NCOA6: variants seen among roughly 807,000 people sequenced by gnomAD.
NCOA6 encodes the protein nuclear receptor coactivator 6, also known as NRC RAP250.
NCOA6 carries 49 observed loss-of-function variants against 171.4 expected under a neutral mutation model. That is an observed-to-expected ratio of 0.29 (90% confidence interval 0.23 to 0.36). The LOEUF (loss-of-function observed/expected upper bound fraction) is 0.36, where lower values mean the gene tolerates loss of function less well. NCOA6 is among the 10% of genes least tolerant of loss of function. The pLI is 1.00. For synonymous variants in NCOA6, 910 were observed against 927.5 expected (o/e 0.98, Z 0.34); for missense variants, 2,248 against 2,554.5 (o/e 0.88, Z 2.59).
chr20:34,725,540 C>T lies in NCOA6; in HGVS notation c.6148+1719G>A, dbSNP rs78534444. ...GGATGAGGCTGGGAGATGACAGGGC[C>T]GAGACCACACAGAAGCTTGTGGGGT... On this transcript the variant is annotated intron_variant, in intron 14 of 14. Transcript: ENST00000359003. 9.9e-3 allele frequency among the ~76,000 whole-genome samples: 1,508 copies of T among 151,714 alleles called. 23 individuals are homozygous for T. Among genetic ancestry groups the T allele is most frequent in the African/African-American group, 0.033 (1,383 of 41,290 alleles).
intron 1 of NCOA6, among the ~76,000 whole-genome samples, chr20:34,818,131 G>A (rs961186222): frequency 6.6e-6 from 1 of 152,144 alleles, no homozygotes; most frequent in Non-Finnish European, 1.5e-5. Flanking sequence ...TTGTTGTAAG[G>A]ATTAAATAAA....
chr20:34,815,054 A>T (rs549464224), intron 1 of NCOA6, among the ~76,000 whole-genome samples: 11 of 152,306 alleles, frequency 7.2e-5, no homozygotes, highest in African/African-American at 2.6e-4. Flanking sequence ...TAAATACAGT[A>T]CTATCCTGGG....
intron 12 of NCOA6, among the ~76,000 whole-genome samples, chr20:34,734,625 C>T (rs1438512896): frequency 6.6e-6 from 1 of 152,118 alleles, no homozygotes; most frequent in East Asian, 1.9e-4. Flanking sequence ...GGGTTAGAGG[C>T]ATGAACCATT....
In NCOA6 at chr20:34,782,185, A is replaced by G; in HGVS notation, c.171T>C (p.Asp57=). The G allele has an allele frequency of 6.2e-7, 1 of 1,612,336 alleles. No individual in the cohort carries two copies. The highest frequency in any genetic ancestry group is 8.5e-7 in the Non-Finnish European group (1 of 1,179,158). ...CTAATTTCCATTTGAAGTCTTTATC[A>G]TCTATATTTCCTTTGAAGGCCACAA... ...TIFVAFKGNI[D]DKDFKWKLDA... is the part of the protein sequence containing the mutation. Residue 57 remains aspartate, a synonymous_variant, in exon 3 of 15, where the codon GAT becomes GAC. Coordinates refer to ENST00000359003, the MANE Select transcript of NCOA6 (RefSeq NM_014071.5).
At position 34,819,998 on chromosome 20, in the gene NCOA6, A is replaced by G. The variant is rs192023935; in HGVS notation, c.-164+5474T>C. 111 of 152,148 alleles carry G rather than the reference A, an allele frequency of 7.3e-4. 1 individual carries two copies. Among genetic ancestry groups the G allele is most frequent in the African/African-American group, 2.5e-3 (105 of 41,526 alleles). 9.4% of individuals were successfully genotyped at this position (152,148 alleles called of 1,614,324 possible). ...CTGGGATCACTGGTTATACATAGGG[A>G]AAAAAAATGAAACTGGACCCGACCT... On this transcript the variant is annotated intron_variant, in intron 1 of 14. Transcript: ENST00000359003.
chr20:34,727,130 T>C lies in NCOA6; in HGVS notation c.6148+129A>G, dbSNP rs113588768. The stretch of plus-strand genomic sequence containing the variant: ...AATAAAGGAAGGACCAAACAGGTAG[T>C]AGAAGACAAAGACACTTGACAGACT... On this transcript the variant is annotated intron_variant, in intron 14 of 14. Transcript: ENST00000359003. The C allele has an allele frequency of 5.4e-4, 601 of 1,107,986 alleles. 8 individuals carry two copies. The African/African-American group carries it at 7.5e-3, about 14-fold the overall frequency. 68.6% of individuals were successfully genotyped at this position (1,107,986 alleles called of 1,614,324 possible).
intron 5 of NCOA6, among the ~76,000 whole-genome samples, chr20:34,763,212 C>A (rs1261778923): frequency 6.6e-6 from 1 of 152,128 alleles, no homozygotes; most frequent in Admixed American, 6.6e-5. Context: ...TCCTCAATTT[C>A]TTTATCTTCT....
rs2076200143 is a variant in NCOA6, at chr20:34,743,130, A to G, written c.3126T>C (p.Asp1042=). The G allele has an allele frequency of 6.2e-7, 1 of 1,613,546 alleles. No homozygotes were observed. Among genetic ancestry groups the G allele is most frequent in the Non-Finnish European group, 8.5e-7 (1 of 1,179,720 alleles). The change falls in exon 11 of 15, where the codon GAT becomes GAC. Residue 1042 remains aspartate (D), a synonymous_variant. Transcript: ENST00000359003. The part of the protein sequence containing the change: ...QMMMMLMMQQ[D]PKSVRLPVSQ... ...AGACTGGAAGCCTAACTGATTTGGG[A>G]TCCTGCTGCATCATGAGCATCATCA... is the stretch of plus-strand genomic sequence containing the variant.
In NCOA6 at chr20:34,792,466, A is replaced by G; in HGVS notation, c.-66T>C. ...TTCACTCACCAAAATCTCTTTCTTA[A>G]TTTTTATCATTTATCCAGGTCATCT... On this transcript the variant is annotated 5_prime_UTR_variant, in exon 2 of 15. Coordinates refer to ENST00000359003, the MANE Select transcript of NCOA6 (RefSeq NM_014071.5). The G allele has an allele frequency of 2.5e-6, 1 of 398,292 alleles. No homozygotes were observed. Among genetic ancestry groups the G allele is most frequent in the Non-Finnish European group, 4.4e-6 (1 of 225,850 alleles). The allele number at this position is 398,292 out of a possible 1,614,324, so 24.7% of individuals were successfully genotyped here.
intron 14 of NCOA6, among the ~76,000 whole-genome samples, chr20:34,721,136 T>G (rs1285175741): frequency 6.7e-6 from 1 of 150,358 alleles, no homozygotes; most frequent in Admixed American, 6.7e-5. Flanking sequence ...TGAGGTTGAG[T>G]TGATCACAAA....
intron 3 of NCOA6, among the ~76,000 whole-genome samples, chr20:34,778,431 A>ATT (rs746819072): frequency 7.1e-5 from 10 of 141,322 alleles, no homozygotes; most frequent in Non-Finnish European, 7.8e-5. Context: ...GAGACGTTCA[A>ATT]TTTTTTTTTT....
Position 34,749,611 on chromosome 20 carries a change from T to C in NCOA6, c.2584A>G (p.Asn862Asp), listed in dbSNP as rs764841113. 1.2e-6 allele frequency: 2 copies of C among 1,614,208 alleles called. No homozygotes were observed. The highest frequency in any genetic ancestry group is 1.1e-5 in the South Asian group (1 of 91,084). ...TGACCACAGGACATCTGATTTCCAT[T>C]GGGAGCTCCACTGAAAGGTGCATTG... ...SFNAPFSGAP[N>D]GNQMSCGQNP... Residue 862 changes from asparagine to aspartate, a missense_variant, in exon 9 of 15, where the codon AAT (asparagine) becomes GAT (aspartate). Physicochemically the swap from Asn to Asp is conservative, Grantham distance 23. Around this residue, in one of 7 missense-constraint regions of NCOA6, gnomAD observed 987 missense variants for 1,104.7 expected, o/e 0.89. Coordinates refer to ENST00000359003, the MANE Select transcript of NCOA6 (RefSeq NM_014071.5).
intron 10 of NCOA6, among the ~76,000 whole-genome samples, chr20:34,743,980 C>T (rs1244641275): frequency 6.6e-6 from 1 of 152,120 alleles, no homozygotes; most frequent in Non-Finnish European, 1.5e-5. Flanking sequence ...AGGCTTAATC[C>T]TTTGGGGGAA....
chr20:34,763,669 CTT>C (rs1458932626), intron 5 of NCOA6, among the ~76,000 whole-genome samples: 1 of 152,192 alleles, frequency 6.6e-6, no homozygotes, highest in Non-Finnish European at 1.5e-5. Flanking sequence ...ATGTTAATGA[CTT>C]AGCCTGGCTA....
At chr20:34,725,772 G>A (rs963827632) in intron 14 of NCOA6, among the ~76,000 whole-genome samples, 1 of 152,132 alleles carries the variant, frequency 6.6e-6, no homozygotes, top group South Asian at 2.1e-4. Context: ...TTGAGATGGG[G>A]TACAATGGCA....
chr20:34,812,442 T>C (rs2078698757), intron 1 of NCOA6, among the ~76,000 whole-genome samples: 1 of 152,078 alleles, frequency 6.6e-6, no homozygotes, highest in South Asian at 2.1e-4. Context: ...GTAGGGATAA[T>C]AGACAATTTA....
At chr20:34,763,828 C>T (rs561015716) in intron 5 of NCOA6, among the ~76,000 whole-genome samples, 9 of 152,112 alleles carry the variant, frequency 5.9e-5, no homozygotes, top group Non-Finnish European at 1.2e-4. Context: ...CAGAGAGTGA[C>T]ATTTTCCTAA....
intron 1 of NCOA6, among the ~76,000 whole-genome samples, chr20:34,801,336 GAAGAA>G (rs1199436978): frequency 1.3e-5 from 2 of 151,878 alleles, no homozygotes; most frequent in African/African-American, 2.4e-5. Flanking sequence ...AAAATTAGTA[GAAGAA>G]AAGAAATAAA....
chr20:34,755,377 C>A (rs186267344), intron 7 of NCOA6, among the ~76,000 whole-genome samples: 164 of 152,262 alleles, frequency 1.1e-3, no homozygotes, highest in South Asian at 2.9e-3. Flanking sequence ...CAGAAAATTT[C>A]CCCCCATTAT....
Sources: gnomAD v4.1 joint callset for allele counts (sites outside exome capture counted in the v4.1 genomes callset) on GRCh38, gnomAD v4.1.1 for gene constraint, gnomAD v4.1.1 regional missense constraint, MANE v1.5 for transcripts, NCBI Gene and HGNC (gene_info 2026-07-23, HGNC 2026-07-21) for gene names.